The following SGIP1 variants were observed in gnomAD, a reference collection of about 807,000 sequenced individuals.
SGIP1 encodes the protein SH3GL interacting endocytic adaptor 1, also known as SH3-containing GRB2-like protein 3-interacting protein 1.
A neutral mutation model predicts 107.5 loss-of-function variants in SGIP1; 38 were observed. The ratio of observed to expected loss-of-function variants is 0.35; its 90% CI spans 0.27 to 0.46. The LOEUF (loss-of-function observed/expected upper bound fraction) is 0.46, where lower values mean the gene tolerates loss of function less well. Among genes scored for constraint, SGIP1 ranks in the 20% least tolerant of loss-of-function variants. SGIP1 has a pLI of 1.00. For synonymous variants in SGIP1, 365 were observed against 366.1 expected (o/e 1.00, Z 0.03); for missense variants, 929 against 1,019.5 (o/e 0.91, Z 1.21).
intron 1 of SGIP1, among the ~76,000 whole-genome samples, chr1:66,588,011 C>A (rs1303995636): frequency 1.3e-5 from 2 of 152,078 alleles, no homozygotes. Context: ...AGGGCAACAA[C>A]AACAAAATCA....
chr1:66,577,378 C>A (rs538258867), intron 1 of SGIP1, among the ~76,000 whole-genome samples: 7 of 152,106 alleles, frequency 4.6e-5, no homozygotes, highest in Non-Finnish European at 8.8e-5. Context: ...TAGACTGACC[C>A]TGAACAATTT....
intron 7 of SGIP1, among the ~76,000 whole-genome samples, chr1:66,651,310 A>C (rs2149578763): frequency 6.6e-6 from 1 of 152,242 alleles, no homozygotes; most frequent in South Asian, 2.1e-4. Context: ...GATCAGTACT[A>C]TTGATATCCC....
chr1:66,623,526 C>G (rs762179305), intron 1 of SGIP1, among the ~76,000 whole-genome samples: 5 of 152,214 alleles, frequency 3.3e-5, no homozygotes, highest in Non-Finnish European at 5.9e-5. Flanking sequence ...GCTAGGATTA[C>G]AGGCATAGGC....
At chr1:66,714,125 T>C (rs1004241165) in intron 18 of SGIP1, among the ~76,000 whole-genome samples, 4 of 152,270 alleles carry the variant, frequency 2.6e-5, no homozygotes, top group East Asian at 1.9e-4. Flanking sequence ...TTCAAGTACA[T>C]ACCATGTTAA....
chr1:66,741,321 A>C lies in SGIP1; in HGVS notation c.2349A>C (p.Lys783Asn), dbSNP rs535171232. ...ARFQLSEGPS[K>N]PSPLVVQFTS... is the part of the protein sequence containing the mutation. ...TTCAGTTATCTGAAGGCCCAAGCAA[A>C]CCTTCTCCATTGGTTGTGCAGTTCA... Residue 783 changes from lysine (K) to asparagine (N), a missense_variant, in exon 24 of 25, where the codon AAA (lysine) becomes AAC (asparagine). Coordinates refer to ENST00000371037, the MANE Select transcript of SGIP1 (RefSeq NM_032291.4). 56 of 1,605,588 alleles carry C rather than the reference A, an allele frequency of 3.5e-5. No individual in the cohort carries two copies. In the South Asian group the frequency reaches 6.3e-4, roughly 18 times the overall value.
At chr1:66,637,815 GTA>G (rs1279694131) in intron 4 of SGIP1, among the ~76,000 whole-genome samples, 2 of 148,110 alleles carry the variant, frequency 1.4e-5, no homozygotes, top group Admixed American at 6.7e-5. Flanking sequence ...ATGTGTGTAT[GTA>G]TATATGTGTG....
chr1:66,599,082 C>G (rs1195088282), intron 1 of SGIP1, among the ~76,000 whole-genome samples: 1 of 152,138 alleles, frequency 6.6e-6, no homozygotes, highest in Non-Finnish European at 1.5e-5. Context: ...GTTAAAAATA[C>G]AATTCGGTTG....
At chr1:66,636,492 A>G (rs1487466274) in intron 4 of SGIP1, among the ~76,000 whole-genome samples, 1 of 152,192 alleles carries the variant, frequency 6.6e-6, no homozygotes, top group Non-Finnish European at 1.5e-5. Context: ...TGTAGTACCT[A>G]TAGCCGTGTT....
At chr1:66,611,221 C>T (rs1187590179) in intron 1 of SGIP1, among the ~76,000 whole-genome samples, 1 of 152,182 alleles carries the variant, frequency 6.6e-6, no homozygotes, top group Non-Finnish European at 1.5e-5. Flanking sequence ...TTTATTTAGT[C>T]TTCATAGCTA....
chr1:66,647,459 C>T (rs929759878), intron 7 of SGIP1, among the ~76,000 whole-genome samples: 4 of 152,090 alleles, frequency 2.6e-5, no homozygotes, highest in Non-Finnish European at 5.9e-5. Context: ...AGCTAACATT[C>T]GGGGTTTTAT....
chr1:66,543,816 C>G (rs761487690), intron 1 of SGIP1, among the ~76,000 whole-genome samples: 16 of 152,124 alleles, frequency 1.1e-4, no homozygotes, highest in Non-Finnish European at 1.9e-4. Flanking sequence ...TGCTGGCTAC[C>G]TACCTCGTAG....
intron 1 of SGIP1, among the ~76,000 whole-genome samples, chr1:66,564,464 C>T (rs865986741): frequency 1.3e-5 from 2 of 151,970 alleles, no homozygotes; most frequent in African/African-American, 2.4e-5. Context: ...TCAGAGGAAG[C>T]TGTGGTTTGA....
intron 1 of SGIP1, among the ~76,000 whole-genome samples, chr1:66,549,165 T>G (rs867566688): frequency 4.6e-5 from 7 of 151,096 alleles, no homozygotes; most frequent in South Asian, 4.2e-4. Flanking sequence ...CTTCCTTCCT[T>G]CCTTCCTTCC....
intron 18 of SGIP1, among the ~76,000 whole-genome samples, chr1:66,717,355 C>A (rs188103343): frequency 6.6e-6 from 1 of 152,196 alleles, no homozygotes; most frequent in Admixed American, 6.6e-5. Context: ...AAATAATGGC[C>A]TGTGTTTATT....
chr1:66,542,554 A>G (rs910681561), intron 1 of SGIP1, among the ~76,000 whole-genome samples: 3 of 152,206 alleles, frequency 2.0e-5, no homozygotes, highest in African/African-American at 7.2e-5. Flanking sequence ...AAGAGCAGGT[A>G]GTGTAGACAG....
In SGIP1 at chr1:66,750,775, TAC is replaced by T. The variant is rs2094611996; in HGVS notation, c.*7681_*7682del. On this transcript the variant is annotated 3_prime_UTR_variant, in exon 25 of 25. Coordinates refer to ENST00000371037, the MANE Select transcript of SGIP1 (RefSeq NM_032291.4). ...AAAACCAACAACGGAAGCGAAGACTTACTTGCTCCTTCACAGAATTGCAGCAA... is the reference window on the plus strand; with the variant it reads ...AAAACCAACAACGGAAGCGAAGACTTTTGCTCCTTCACAGAATTGCAGCAA... 4.8e-5 allele frequency among the ~76,000 whole-genome samples: 3 copies of T among 62,866 alleles called. No individual in the cohort carries two copies. The highest frequency in any genetic ancestry group is 1.8e-4 in the African/African-American group (3 of 16,250). The allele number at this position is 62,866 out of a possible 152,430, so 41.2% of individuals were successfully genotyped here. A position where few individuals can be genotyped will look rare whatever the true frequency, so the allele number is the denominator to read the frequency against.
intron 1 of SGIP1, among the ~76,000 whole-genome samples, chr1:66,586,809 T>G (rs1263562639): frequency 6.6e-6 from 1 of 152,150 alleles, no homozygotes; most frequent in Non-Finnish European, 1.5e-5. Context: ...TTTTCTTCTT[T>G]TATTTTTTCC....
Position 66,747,928 on chromosome 1 carries a change from A to G in SGIP1, c.*4833A>G, listed in dbSNP as rs1030753057. On this transcript the variant is annotated 3_prime_UTR_variant, in exon 25 of 25. Transcript: ENST00000371037. ...GAAGTGTTACATTATATTTAATAAT[A>G]TCAAAACAAGAGTGATCTCTAAATA... The G allele has an allele frequency of 2.6e-5, 4 of 151,998 alleles. No homozygotes were observed. Among genetic ancestry groups the G allele is most frequent in the African/African-American group, 9.6e-5 (4 of 41,454 alleles). The allele number at this position is 151,998 out of a possible 1,614,324, so 9.4% of individuals were successfully genotyped here. A position where few individuals can be genotyped will look rare whatever the true frequency, so the allele number is the denominator to read the frequency against.
intron 23 of SGIP1, among the ~76,000 whole-genome samples, chr1:66,740,983 G>T (rs890333554): frequency 2.6e-5 from 4 of 151,968 alleles, no homozygotes; most frequent in Non-Finnish European, 5.9e-5. Context: ...CAGATTCCAC[G>T]CTCCCTGATT....
Sources: gnomAD v4.1 joint callset for allele counts (sites outside exome capture counted in the v4.1 genomes callset) on GRCh38, gnomAD v4.1.1 for gene constraint, MANE v1.5 for transcripts, NCBI Gene and HGNC (gene_info 2026-07-23, HGNC 2026-07-21) for gene names.